CSPG4: variants seen among roughly 807,000 people sequenced by gnomAD.
The protein encoded by CSPG4 is chondroitin sulfate proteoglycan 4 (melanoma-associated).
In CSPG4, 74 loss-of-function variants were observed where a neutral mutation model predicts 139.3. The ratio of observed to expected loss-of-function variants is 0.53; its 90% confidence interval spans 0.44 to 0.64. The LOEUF is 0.64. Among genes scored for constraint, CSPG4 ranks in the 30% least tolerant of loss-of-function variants. CSPG4 has a pLI of 0.00. For missense variants in CSPG4, 2,565 were observed against 3,148.3 expected (o/e 0.81, Z 4.43); for synonymous variants, 1,234 against 1,394.2 (o/e 0.89, Z 2.56).
chr15:75,710,676 G>C (rs1894437032), intron 1 of CSPG4, among the ~76,000 whole-genome samples: 2 of 152,154 alleles, frequency 1.3e-5, no homozygotes, highest in Non-Finnish European at 2.9e-5. Flanking sequence ...GCCTCATTCG[G>C]ATACGGGAGG....
At chr15:75,694,616 A>G (rs532821586) in intron 1 of CSPG4, among the ~76,000 whole-genome samples, 30 of 152,332 alleles carry the variant, frequency 2.0e-4, no homozygotes, top group African/African-American at 7.0e-4. Context: ...GTACACCCTA[A>G]GGGCAGCCAG....
Position 75,690,772 on chromosome 15 carries a change from G to T in CSPG4, c.293C>A (p.Thr98Asn). ...GTCACTCAGCAGCGTCTCTGCTGGA[G>T]TCTGCAGCCTCAGCTCCTCCTGGCC... ...VLGQEELRLQ[T>N]PAETLLSDSI... Residue 98 changes from threonine to asparagine, a missense_variant, in exon 3 of 10, where the codon ACT becomes AAT. This residue lies in a region of CSPG4 where 132 missense variants were observed against 132.3 expected (regional missense o/e 1.00). Transcript: ENST00000308508. The T allele has an allele frequency of 6.2e-7, 1 of 1,612,828 alleles. No homozygotes were observed. Among genetic ancestry groups the T allele is most frequent in the Non-Finnish European group, 8.5e-7 (1 of 1,179,732 alleles).
intron 1 of CSPG4, among the ~76,000 whole-genome samples, chr15:75,710,770 C>T (rs1002956890): frequency 6.6e-6 from 1 of 152,100 alleles, no homozygotes; most frequent in African/African-American, 2.4e-5. Flanking sequence ...CTGCAGAAAT[C>T]AGGGCAGGCA....
chr15:75,677,957 C>T (rs1893917535), intron 8 of CSPG4, 71 bp from the exon 9 acceptor site: 2 of 1,426,718 alleles, frequency 1.4e-6, no homozygotes, highest in Non-Finnish European at 1.9e-6. Context: ...GCACTTTTGT[C>T]TCCTCAGGCC....
Position 75,676,032 on chromosome 15 carries a change from C to T in CSPG4, c.6487G>A (p.Glu2163Lys), listed in dbSNP as rs751374141. 2 of 1,553,390 alleles carry T rather than the reference C, an allele frequency of 1.3e-6. No individual in the cohort carries two copies. Among genetic ancestry groups the T allele is most frequent in the Non-Finnish European group, 1.7e-6 (2 of 1,154,278 alleles). Reference protein sequence around the residue: ...PAVASLDFATEPYNAARPYSV... With the variant: ...PAVASLDFATKPYNAARPYSV... ...TAGGGCCGGGCAGCATTGTAAGGCT[C>T]AGTGGCAAAGTCCAGGGAGGCCACA... The change falls in exon 10 of 10, where the codon GAG (glutamate) becomes AAG (lysine). Residue 2163 changes from glutamate to lysine, a missense_variant. Physicochemically the swap from Glu to Lys is moderately conservative, Grantham distance 56 (BLOSUM62 1). Coordinates refer to ENST00000308508, the MANE Select transcript of CSPG4 (RefSeq NM_001897.5).
In CSPG4 at chr15:75,712,838, C is replaced by CTCCT; in HGVS notation, c.-87_-84dup. The CTCCT allele has an allele frequency of 8.0e-7, 1 of 1,245,558 alleles. No homozygotes were observed. The highest frequency in any genetic ancestry group is 1.1e-6 in the Non-Finnish European group (1 of 932,174). 77.2% of individuals were successfully genotyped at this position (1,245,558 alleles called of 1,614,324 possible). A position where few individuals can be genotyped will look rare whatever the true frequency, so the allele number is the denominator to read the frequency against. ...GCTGAGTGGAGCGAGCGCGGCTCTG[C>CTCCT]TCCTGGGCGCGGGCCGGCTCCGGGT... On this transcript the variant is annotated 5_prime_UTR_variant, in exon 1 of 10. Coordinates refer to ENST00000308508, the MANE Select transcript of CSPG4 (RefSeq NM_001897.5).
At chr15:75,697,533 C>T (rs1371585837) in intron 1 of CSPG4, among the ~76,000 whole-genome samples, 1 of 152,228 alleles carries the variant, frequency 6.6e-6, no homozygotes, top group East Asian at 1.9e-4. Flanking sequence ...CCCGTGTGAG[C>T]CCTACCCACC....
chr15:75,680,341 T>C (rs1308609439), intron 8 of CSPG4: 39 of 152,260 alleles, frequency 2.6e-4, no homozygotes, highest in Admixed American at 2.6e-3. Context: ...AGGAAGTGGC[T>C]GCTCCCCTGC....
chr15:75,695,065 A>G (rs1894208835), intron 1 of CSPG4, among the ~76,000 whole-genome samples: 1 of 152,198 alleles, frequency 6.6e-6, no homozygotes, highest in Admixed American at 6.5e-5. Context: ...TACTGCCCAC[A>G]GTGAGAACAT....
chr15:75,685,834 GACACACAAAC>G (rs1894050604), intron 3 of CSPG4, 133 bp from the exon 4 acceptor site: 2 of 999,300 alleles, frequency 2.0e-6, no homozygotes, highest in African/African-American at 3.3e-5. Context: ...TGCTCATTTA[GACACACAAAC>G]ACACACGTGG....
intron 5 of CSPG4, among the ~76,000 whole-genome samples, chr15:75,683,401 A>G (rs1431161613): frequency 6.6e-6 from 1 of 151,680 alleles, no homozygotes; most frequent in African/African-American, 2.4e-5. Context: ...GTGCTCCCTA[A>G]TCTGTCTCAC....
chr15:75,675,448 G>C lies in CSPG4; in HGVS notation c.*102C>G, dbSNP rs1449888520. 4.6e-6 allele frequency: 6 copies of C among 1,293,696 alleles called. No homozygotes were observed. The Admixed American group carries it at 1.4e-4, about 31-fold the overall frequency. The allele number at this position is 1,293,696 out of a possible 1,614,324, so 80.1% of individuals were successfully genotyped here. On this transcript the variant is annotated 3_prime_UTR_variant, in exon 10 of 10. Transcript: ENST00000308508. ...CCCCTGGTGTCTCCAGGTCTCTCTT[G>C]CTCTGGGGATACTCAGACAGCACCA...
At position 75,688,483 on chromosome 15, in the gene CSPG4, G is replaced by A; in HGVS notation, c.2582C>T (p.Ala861Val). 1.9e-6 allele frequency: 3 copies of A among 1,613,224 alleles called. No individual in the cohort carries two copies. The highest frequency in any genetic ancestry group is 2.5e-6 in the Non-Finnish European group (3 of 1,180,042). ...DIQAGRVTYG[A>V]TARASEAVED... ...GACTGCCTCTGAGGCACGTGCTGTG[G>A]CCCCATAGGTCACCCGGCCAGCCTG... is the stretch of plus-strand genomic sequence containing the variant. Residue 861 changes from alanine to valine, a missense_variant, in exon 3 of 10, where the codon GCC (alanine) becomes GTC (valine). Around this residue, in one of 5 missense-constraint regions of CSPG4, gnomAD observed 2,316 missense variants for 2,818.2 expected, o/e 0.82. Transcript: ENST00000308508.
chr15:75,687,884 T>C lies in CSPG4; in HGVS notation c.3181A>G (p.Lys1061Glu), dbSNP rs762316342. ...FADAQLVLTR[K>E]DLLFGSIVAV... ...ACGATACTGCCAAAGAGGAGGTCCT[T>C]GCGGGTAAGCACCAGCTGGGCGTCA... The change falls in exon 3 of 10, where the codon AAG (lysine) becomes GAG (glutamate). Residue 1061 changes from lysine to glutamate, a missense_variant. By Grantham distance (56) the Lys-to-Glu change is moderately conservative. Transcript: ENST00000308508. This position sits in a 1 kb window ranked among gnomAD's most constrained non-coding sequence, Gnocchi z 5.4. 1.7e-5 allele frequency: 27 copies of C among 1,612,798 alleles called. 1 individual carries two copies. In the East Asian group the frequency reaches 5.3e-4, roughly 32 times the overall value.
intron 1 of CSPG4, among the ~76,000 whole-genome samples, chr15:75,699,111 G>A (rs376131846): frequency 1.3e-5 from 2 of 152,202 alleles, no homozygotes; most frequent in Admixed American, 1.3e-4. Context: ...GTGAGCTACC[G>A]AAATGCGGAC....
chr15:75,675,938 G>A lies in CSPG4; in HGVS notation c.6581C>T (p.Pro2194Leu). 6.3e-7 allele frequency: 1 copy of A among 1,594,640 alleles called. No individual in the cohort carries two copies. Among genetic ancestry groups the A allele is most frequent in the Non-Finnish European group, 8.5e-7 (1 of 1,175,228 alleles). Residue 2194 changes from proline (P) to leucine (L), a missense_variant, in exon 10 of 10, where the codon CCC (proline) becomes CTC (leucine). Transcript: ENST00000308508. The part of the protein sequence containing the change: ...TEAGKPESST[P>L]TGEPGPMASS... Reference sequence around the variant, plus strand: ...TGCCATGGGGCCTGGCTCGCCTGTGGGGGTGCTGCTCTCTGGCTTCCCTGC... The same window carrying A: ...TGCCATGGGGCCTGGCTCGCCTGTGAGGGTGCTGCTCTCTGGCTTCCCTGC...
At chr15:75,678,412 G>C in intron 8 of CSPG4, 1 of 331,926 alleles carries the variant, frequency 3.0e-6, no homozygotes, top group Non-Finnish European at 5.9e-6. Flanking sequence ...GACTGCAGTG[G>C]CGTGATCATG....
Position 75,688,074 on chromosome 15 carries a change from G to C in CSPG4, c.2991C>G (p.Asp997Glu). 6.2e-7 allele frequency: 1 copy of C among 1,612,842 alleles called. No homozygotes were observed. The highest frequency in any genetic ancestry group is 1.1e-5 in the South Asian group (1 of 91,068). The change falls in exon 3 of 10, where the codon GAC becomes GAG. Residue 997 changes from aspartate (D) to glutamate (E), a missense_variant. By Grantham distance (45) the Asp-to-Glu change is conservative. Transcript: ENST00000308508. ...CACCCCGTACCTCCTCCCAGGCCATGTCACCACTGCTCTCGCCCTGGCGGG... is the reference window on the plus strand; with the variant it reads ...CACCCCGTACCTCCTCCCAGGCCATCTCACCACTGCTCTCGCCCTGGCGGG... Reference protein sequence around the residue: ...VATRQGESSGDMAWEEVRGVF... With the variant: ...VATRQGESSGEMAWEEVRGVF...
chr15:75,688,450 G>C lies in CSPG4; in HGVS notation c.2615C>G (p.Thr872Ser), dbSNP rs772171039. Residue 872 changes from threonine (T) to serine (S), a missense_variant, in exon 3 of 10, where the codon ACC (threonine) becomes AGC (serine). Around this residue, in one of 5 missense-constraint regions of CSPG4, gnomAD observed 2,316 missense variants for 2,818.2 expected, o/e 0.82. Coordinates refer to ENST00000308508, the MANE Select transcript of CSPG4 (RefSeq NM_001897.5). Reference protein sequence around the residue: ...TARASEAVEDTFRFRVTAPPY... With the variant: ...TARASEAVEDSFRFRVTAPPY... ...TGGAGCTGTGACACGGAAACGGAAG[G>C]TGTCCTCGACTGCCTCTGAGGCACG... The C allele has an allele frequency of 1.9e-6, 3 of 1,613,242 alleles. No individual in the cohort carries two copies. In the South Asian group the frequency reaches 3.3e-5, roughly 18 times the overall value.
Sources: allele counts gnomAD v4.1 joint callset (sites outside exome capture counted in the v4.1 genomes callset), GRCh38; gene constraint gnomAD v4.1.1; regional missense constraint gnomAD v4.1.1; non-coding constraint Gnocchi (gnomAD v3.1); transcripts MANE v1.5; gene names NCBI Gene and HGNC (gene_info 2026-07-23, HGNC 2026-07-21).